Variants in PTPRS observed in about 807,000 individuals in gnomAD.
PTPRS encodes the protein protein tyrosine phosphatase receptor type S, also known as receptor-type tyrosine-protein phosphatase S.
A neutral mutation model predicts 215.3 loss-of-function variants in PTPRS; 63 were observed. The observed-to-expected ratio is 0.29, with a 90% CI of 0.24 to 0.36. The LOEUF (loss-of-function observed/expected upper bound fraction) is 0.36. PTPRS is among the 10% of genes least tolerant of loss of function. The probability of loss-of-function intolerance (pLI) is 1.00; values close to 1 mark genes in which losing one functional copy is unlikely to be tolerated. For missense variants in PTPRS, 2,258 were observed against 2,825.8 expected (o/e 0.80, Z 4.56); for synonymous variants, 1,404 against 1,191.4 (o/e 1.18, Z -3.68).
chr19:5,229,686 T>TGGCGGGCGGGAGGGGAGGGGAGG lies in PTPRS; in HGVS notation c.2156-25_2156-3dup, dbSNP rs2042849474. The TGGCGGGCGGGAGGGGAGGGGAGG allele has an allele frequency of 4.4e-6, 2 of 459,318 alleles. No homozygotes were observed. Among genetic ancestry groups the TGGCGGGCGGGAGGGGAGGGGAGG allele is most frequent in the African/African-American group, 2.1e-5 (1 of 46,516 alleles). The allele number at this position is 459,318 out of a possible 1,614,324, so 28.5% of individuals were successfully genotyped here. ...CCTTCCGCGGCGGCGCGCTGGGCAC[T>TGGCGGGCGGGAGGGGAGGGGAGG]GGCGGGCGGGAGGGGAGGGGAGGGG... On this transcript the variant is annotated splice_polypyrimidine_tract_variant and splice_region_variant and intron_variant, in intron 14 of 37. Coordinates refer to ENST00000262963, the MANE Select transcript of PTPRS (RefSeq NM_002850.4).
chr19:5,228,345 G>GAAAAAAAAAAAAAAAAA (rs1491502602), intron 16 of PTPRS, among the ~76,000 whole-genome samples: 6 of 33,256 alleles, frequency 1.8e-4, no homozygotes, highest in African/African-American at 2.9e-4. Context: ...ACTCCGTCTG[G>GAAAAAAAAAAAAAAAAA]AGAAAAAAAA....
chr19:5,231,319 C>T lies in PTPRS; in HGVS notation c.2146G>A (p.Asp716Asn), dbSNP rs1488356054. The change falls in exon 14 of 38, where the codon GAC (aspartate) becomes AAC (asparagine). Residue 716 changes from aspartate to asparagine, a missense_variant. Around this residue, in one of 6 missense-constraint regions of PTPRS, gnomAD observed 371 missense variants for 446.7 expected, o/e 0.83. Coordinates refer to ENST00000262963, the MANE Select transcript of PTPRS (RefSeq NM_002850.4). Reference sequence around the variant, plus strand: ...TGGGGCAGGTACTTACCATCCTCGTCGGTGCGGACGACCACGGGCGAGCTC... The same window carrying T: ...TGGGGCAGGTACTTACCATCCTCGTTGGTGCGGACGACCACGGGCGAGCTC... ...PESSPVVVRT[D>N]EDVPSAPPRK... The T allele has an allele frequency of 2.2e-5, 35 of 1,606,836 alleles. No homozygotes were observed. The highest frequency in any genetic ancestry group is 2.8e-5 in the Non-Finnish European group (33 of 1,179,010).
At position 5,222,968 on chromosome 19, in the gene PTPRS, A is replaced by G. The variant is rs1285984808; in HGVS notation, c.2824T>C (p.Ser942Pro). The G allele has an allele frequency of 6.5e-7, 1 of 1,543,448 alleles. No individual in the cohort carries two copies. The highest frequency in any genetic ancestry group is 8.7e-7 in the Non-Finnish European group (1 of 1,149,782). ...CAGCGGAGAAGGACGGTCCCGGCCG[A>G]GGCGTTGCCGGCCGCCTCCAGAATC... ...PQILEAAGNA[S>P]AGTVLLRWLP... is the part of the protein sequence containing the mutation. Residue 942 changes from serine to proline, a missense_variant, in exon 18 of 38, where the codon TCG becomes CCG. Transcript: ENST00000262963.
At position 5,214,698 on chromosome 19, in the gene PTPRS, C is replaced by T. The variant is rs1031952638; in HGVS notation, c.4357G>A (p.Asp1453Asn). 2 of 1,612,240 alleles carry T rather than the reference C, an allele frequency of 1.2e-6. No homozygotes were observed. Among genetic ancestry groups the T allele is most frequent in the Non-Finnish European group, 1.7e-6 (2 of 1,179,452 alleles). The change falls in exon 29 of 38, where the codon GAC (aspartate) becomes AAC (asparagine). Residue 1453 changes from aspartate (D) to asparagine (N), a missense_variant. Transcript: ENST00000262963. ...TACGCGTTCTGACACCGGTAGCCGT[C>T]CACGTAGTTGGCATTGATGTAATCA... ...GSDYINANYV[D>N]GYRCQNAYIA...
rs763743834 is a variant in PTPRS, at chr19:5,214,755, G to A, written c.4319-19C>T. On this transcript the variant is annotated intron_variant, in intron 28 of 37. Transcript: ENST00000262963. ...ATGATGCCTGCAGCCAGGGCGAGAG[G>A]CCAGGGATCTGTGGGGGCTGTCTTG... 15 of 1,588,374 alleles carry A rather than the reference G, an allele frequency of 9.4e-6. No homozygotes were observed. Among genetic ancestry groups the A allele is most frequent in the South Asian group, 4.5e-5 (4 of 89,156 alleles).
At chr19:5,307,449 G>A (rs2031066166) in intron 1 of PTPRS, among the ~76,000 whole-genome samples, 1 of 152,124 alleles carries the variant, frequency 6.6e-6, no homozygotes. Flanking sequence ...TATCACAGCT[G>A]TGAAAAGGAA....
intron 1 of PTPRS, among the ~76,000 whole-genome samples, chr19:5,340,212 C>T (rs1765439107): frequency 6.7e-6 from 1 of 150,132 alleles, no homozygotes; most frequent in South Asian, 2.1e-4. Flanking sequence ...GCGCCCCCTG[C>T]CTCCAGGACC....
At chr19:5,238,078 G>A (rs1247739184) in intron 13 of PTPRS, among the ~76,000 whole-genome samples, 1 of 152,196 alleles carries the variant, frequency 6.6e-6, no homozygotes, top group Non-Finnish European at 1.5e-5. Context: ...GGGGAAGCAG[G>A]GGGAGGCCAC....
At chr19:5,267,770 A>T (rs2046544276) in intron 4 of PTPRS, among the ~76,000 whole-genome samples, 1 of 142,052 alleles carries the variant, frequency 7.0e-6, no homozygotes, top group Non-Finnish European at 1.5e-5. Flanking sequence ...GACAAATCGC[A>T]GTGCTGTTAA....
chr19:5,226,719 A>C (rs1305800219), intron 16 of PTPRS, among the ~76,000 whole-genome samples: 1 of 151,002 alleles, frequency 6.6e-6, no homozygotes, highest in Non-Finnish European at 1.5e-5. Flanking sequence ...ACTGTACTCC[A>C]GCCTGGGTGA....
chr19:5,312,983 C>T (rs2049756410), intron 1 of PTPRS, among the ~76,000 whole-genome samples: 2 of 152,176 alleles, frequency 1.3e-5, no homozygotes, highest in Admixed American at 6.5e-5. Context: ...GGCACGATCT[C>T]GGCTGACTGC....
At chr19:5,217,541 C>CAA (rs3831633) in intron 25 of PTPRS, among the ~76,000 whole-genome samples, 28 of 149,984 alleles carry the variant, frequency 1.9e-4, no homozygotes, top group East Asian at 3.9e-4. Context: ...AGTCCAGAGA[C>CAA]AAAAAAAAAG....
intron 1 of PTPRS, among the ~76,000 whole-genome samples, chr19:5,328,518 G>A (rs140934428): frequency 6.6e-5 from 10 of 152,044 alleles, no homozygotes; most frequent in Non-Finnish European, 1.3e-4. Context: ...GATTATAGGC[G>A]TGAACCACCG....
intron 2 of PTPRS, among the ~76,000 whole-genome samples, chr19:5,275,690 C>A (rs895080663): frequency 1.3e-5 from 2 of 152,146 alleles, no homozygotes; most frequent in African/African-American, 4.8e-5. Context: ...CCTGTAATCC[C>A]AACTACTTGG....
chr19:5,273,200 T>C (rs1440377725), intron 4 of PTPRS: 5 of 555,536 alleles, frequency 9.0e-6, no homozygotes, highest in Non-Finnish European at 9.6e-6. Context: ...AAGCACATGA[T>C]GAAGATTATA....
chr19:5,340,529 G>T (rs1171161428), intron 1 of PTPRS, 135 bp downstream of exon 1: 1 of 151,554 alleles, frequency 6.6e-6, no homozygotes, highest in Non-Finnish European at 1.5e-5. Flanking sequence ...AGCATCCTCC[G>T]AGCACAATGG....
chr19:5,206,469 A>G lies in PTPRS; in HGVS notation c.*305T>C. ...GCCCCACCCTCCTCTGGTTCTGGGGAGCACTCCTATTTGCTCACCATCCCC... is the reference window on the plus strand; with the variant it reads ...GCCCCACCCTCCTCTGGTTCTGGGGGGCACTCCTATTTGCTCACCATCCCC... On this transcript the variant is annotated 3_prime_UTR_variant, in exon 38 of 38. Transcript: ENST00000262963. 1 of 400,108 alleles carries G rather than the reference A, an allele frequency of 2.5e-6. No homozygotes were observed. Among genetic ancestry groups the G allele is most frequent in the Admixed American group, 4.0e-5 (1 of 24,832 alleles). The allele number at this position is 400,108 out of a possible 1,614,324, so 24.8% of individuals were successfully genotyped here.
intron 10 of PTPRS, among the ~76,000 whole-genome samples, chr19:5,245,128 C>T (rs943007631): frequency 1.3e-5 from 2 of 150,812 alleles, no homozygotes; most frequent in African/African-American, 2.5e-5. Flanking sequence ...TACAGATGTG[C>T]GCCACCACGC....
intron 1 of PTPRS, among the ~76,000 whole-genome samples, chr19:5,326,957 C>A (rs1332905935): frequency 6.6e-6 from 1 of 152,274 alleles, no homozygotes; most frequent in African/African-American, 2.4e-5. Context: ...AGAGTGACCT[C>A]GGCACAGACC....
Sources: allele counts gnomAD v4.1 joint callset (sites outside exome capture counted in the v4.1 genomes callset), GRCh38; gene constraint gnomAD v4.1.1; regional missense constraint gnomAD v4.1.1; transcripts MANE v1.5; gene names NCBI Gene and HGNC (gene_info 2026-07-23, HGNC 2026-07-21).